MYO5B: variants seen among roughly 807,000 people sequenced by gnomAD.
MYO5B encodes the protein myosin VB.
A neutral mutation model predicts 229.3 loss-of-function variants in MYO5B; 143 were observed. The ratio of observed to expected loss-of-function variants is 0.62; its 90% CI spans 0.54 to 0.72. The LOEUF (loss-of-function observed/expected upper bound fraction) is 0.72, where lower values mean the gene tolerates loss of function less well. MYO5B is among the 30% of genes least tolerant of loss of function. MYO5B has a pLI of 0.00. For synonymous variants in MYO5B, 918 were observed against 885.2 expected (o/e 1.04, Z -0.66); for missense variants, 2,321 against 2,331.0 (o/e 1.00, Z 0.09).
At chr18:49,863,380 G>A (rs1416508542) in intron 28 of MYO5B, 53 bp from the exon 29 acceptor site, 7 of 1,481,934 alleles carry the variant, frequency 4.7e-6, no homozygotes, top group Non-Finnish European at 4.7e-6. Flanking sequence ...GCCACAAAAT[G>A]GCTTTATATA....
At position 49,843,403 on chromosome 18, in the gene MYO5B, C is replaced by T. The variant is rs373035489; in HGVS notation, c.4460-11G>A. The T allele has an allele frequency of 2.6e-4, 421 of 1,614,012 alleles. 3 individuals are homozygous for T. Among genetic ancestry groups the T allele is most frequent in the South Asian group, 1.8e-3 (164 of 91,082 alleles). The stretch of plus-strand genomic sequence containing the variant: ...TCTGGGGCTTCAAGTCTAAGGGCAA[C>T]GAGAGCAGCAAATGGCAAGTTAGAT... On this transcript the variant is annotated splice_polypyrimidine_tract_variant and intron_variant, in intron 33 of 39. Transcript: ENST00000285039.
chr18:50,066,988 A>G (rs1484140103), intron 1 of MYO5B, among the ~76,000 whole-genome samples: 2 of 152,184 alleles, frequency 1.3e-5, no homozygotes, highest in African/African-American at 4.8e-5. Context: ...TTATCCTGAA[A>G]TGTCCTTTCA....
chr18:50,124,325 A>C (rs1790445), intron 1 of MYO5B, among the ~76,000 whole-genome samples: 3 of 152,052 alleles, frequency 2.0e-5, no homozygotes, highest in Non-Finnish European at 4.4e-5. Context: ...CATTTTCCTC[A>C]ACATGTGGCT....
chr18:50,109,943 G>A (rs976177173), intron 1 of MYO5B, among the ~76,000 whole-genome samples: 14 of 152,246 alleles, frequency 9.2e-5, no homozygotes, highest in African/African-American at 3.4e-4. Context: ...CCCAGCGAAA[G>A]TCAAACCCTT....
chr18:50,115,609 C>G (rs1199522913), intron 1 of MYO5B, among the ~76,000 whole-genome samples: 2 of 151,572 alleles, frequency 1.3e-5, no homozygotes, highest in African/African-American at 2.4e-5. Flanking sequence ...TCAGAGCTGA[C>G]AGTTTACTAG....
At chr18:50,112,982 T>C (rs1240333590) in intron 1 of MYO5B, among the ~76,000 whole-genome samples, 1 of 152,168 alleles carries the variant, frequency 6.6e-6, no homozygotes, top group Non-Finnish European at 1.5e-5. Flanking sequence ...TTCCACATAA[T>C]GAAGGTTACA....
chr18:50,089,852 C>T (rs778652680), intron 1 of MYO5B, among the ~76,000 whole-genome samples: 2 of 152,148 alleles, frequency 1.3e-5, no homozygotes, highest in African/African-American at 2.4e-5. Flanking sequence ...TGGCCACCCC[C>T]GCATAACCCC....
chr18:50,055,540 A>T (rs1312674640), intron 1 of MYO5B, among the ~76,000 whole-genome samples, 162 bp from the exon 2 acceptor site: 3 of 152,220 alleles, frequency 2.0e-5, no homozygotes, highest in Non-Finnish European at 4.4e-5. Context: ...CGATATCATG[A>T]TAACAGGGGA....
chr18:50,116,447 A>G (rs1362871665), intron 1 of MYO5B, among the ~76,000 whole-genome samples: 1 of 152,204 alleles, frequency 6.6e-6, no homozygotes, highest in Non-Finnish European at 1.5e-5. Context: ...TTCTGCCAAT[A>G]AAGAAGATAG....
At chr18:50,153,730 G>C (rs2032636039) in intron 1 of MYO5B, among the ~76,000 whole-genome samples, 1 of 152,170 alleles carries the variant, frequency 6.6e-6, no homozygotes, top group African/African-American at 2.4e-5. Flanking sequence ...GATTACATGC[G>C]TGAGTCACTG....
intron 17 of MYO5B, 124 bp downstream of exon 17, chr18:49,929,388 A>T (rs1202883591): frequency 1.3e-6 from 1 of 755,412 alleles, no homozygotes; most frequent in Non-Finnish European, 2.2e-6. Flanking sequence ...CTTGGGCCTC[A>T]ATGTTTGGGA....
At chr18:50,007,187 C>T (rs910626945) in intron 4 of MYO5B, among the ~76,000 whole-genome samples, 11 of 152,178 alleles carry the variant, frequency 7.2e-5, no homozygotes, top group Non-Finnish European at 1.3e-4. Flanking sequence ...ATTCCCAGGG[C>T]TCCTGGCATC....
intron 1 of MYO5B, among the ~76,000 whole-genome samples, chr18:50,081,432 T>C (rs575969952): frequency 6.6e-6 from 1 of 152,196 alleles, no homozygotes; most frequent in Non-Finnish European, 1.5e-5. Flanking sequence ...TCATACACTC[T>C]ACACACAGGT....
At chr18:49,847,581 C>T (rs999559090) in intron 32 of MYO5B, among the ~76,000 whole-genome samples, 1 of 152,238 alleles carries the variant, frequency 6.6e-6, no homozygotes, top group African/African-American at 2.4e-5. Flanking sequence ...AGACAGCAGG[C>T]AGGTTTCAGA....
Position 50,055,252 on chromosome 18 carries a change from C to CCCCCCCCCA in MYO5B, c.138+15_138+16insTGGGGGGGG. 2 of 1,437,312 alleles carry CCCCCCCCCA rather than the reference C, an allele frequency of 1.4e-6. No individual in the cohort carries two copies. The highest frequency in any genetic ancestry group is 2.3e-5 in the East Asian group (1 of 43,976). 89.0% of individuals were successfully genotyped at this position (1,437,312 alleles called of 1,614,324 possible). On this transcript the variant is annotated intron_variant, in intron 2 of 39. Coordinates refer to ENST00000285039, the MANE Select transcript of MYO5B (RefSeq NM_001080467.3). ...CCCACCTCACCCCCGCCCCCCTGCC[C>CCCCCCCCCA]CGGACTCACTCTTACCGTTTCATCC...
At chr18:50,004,735 C>T (rs1042174429) in intron 4 of MYO5B, among the ~76,000 whole-genome samples, 3 of 152,088 alleles carry the variant, frequency 2.0e-5, no homozygotes, top group African/African-American at 7.2e-5. Context: ...CACCACTGGG[C>T]AACAGAGCAA....
intron 1 of MYO5B, among the ~76,000 whole-genome samples, chr18:50,104,683 C>T (rs1382633039): frequency 6.6e-6 from 1 of 152,186 alleles, no homozygotes; most frequent in Non-Finnish European, 1.5e-5. Context: ...AGACCATGCG[C>T]TCTTACATTA....
In MYO5B at chr18:49,902,830, G is replaced by A. The variant is rs1490783825; in HGVS notation, c.2575C>T (p.Leu859Phe). ...MFVRRTYRQV[L>F]MEHKATTIQK... ...ATGGTGGTGGCCTTGTGCTCCATGAGGACCTGGCGGGAAACAAGGATACAC... is the reference window on the plus strand; with the variant it reads ...ATGGTGGTGGCCTTGTGCTCCATGAAGACCTGGCGGGAAACAAGGATACAC... Residue 859 changes from leucine to phenylalanine, a missense_variant, in exon 21 of 40, where the codon CTC (leucine) becomes TTC (phenylalanine). Around this residue, in one of 2 missense-constraint regions of MYO5B, gnomAD observed 2,113 missense variants for 2,044.7 expected, o/e 1.03. Coordinates refer to ENST00000285039, the MANE Select transcript of MYO5B (RefSeq NM_001080467.3). 1.9e-6 allele frequency: 3 copies of A among 1,599,670 alleles called. No individual in the cohort carries two copies. Among genetic ancestry groups the A allele is most frequent in the East Asian group, 2.2e-5 (1 of 44,860 alleles).
At chr18:50,163,854 T>C (rs1246104119) in intron 1 of MYO5B, among the ~76,000 whole-genome samples, 2 of 152,258 alleles carry the variant, frequency 1.3e-5, no homozygotes, top group Admixed American at 6.5e-5. Flanking sequence ...ACAATCATTA[T>C]GCAAATGTTA....
Sources: allele counts gnomAD v4.1 joint callset (sites outside exome capture counted in the v4.1 genomes callset), GRCh38; gene constraint gnomAD v4.1.1; regional missense constraint gnomAD v4.1.1; transcripts MANE v1.5; gene names NCBI Gene and HGNC (gene_info 2026-07-23, HGNC 2026-07-21).